Variants in TNFAIP8 observed in about 807,000 individuals in gnomAD.
TNFAIP8 encodes the protein tumor necrosis factor alpha-induced protein 8.
Under a neutral mutation model 13.3 loss-of-function variants are expected in TNFAIP8, and 7 were observed. The observed-to-expected ratio is 0.52, with a 90% CI of 0.30 to 0.99. The LOEUF (loss-of-function observed/expected upper bound fraction) is 0.99, where lower values mean the gene tolerates loss of function less well. Among genes scored for constraint, TNFAIP8 ranks in the 50% least tolerant of loss-of-function variants. TNFAIP8 has a pLI of 0.07. For synonymous variants in TNFAIP8, 94 were observed against 87.6 expected (o/e 1.07, Z -0.41); for missense variants, 258 against 236.9 (o/e 1.09, Z -0.58).
intron 1 of TNFAIP8, among the ~76,000 whole-genome samples, chr5:119,323,257 T>G (rs1286105268): frequency 1.3e-5 from 2 of 152,334 alleles, no homozygotes; most frequent in East Asian, 1.9e-4. Context: ...TTAAAATGCC[T>G]CATTAGAGTT....
intron 1 of TNFAIP8, among the ~76,000 whole-genome samples, chr5:119,271,500 C>G (rs566822819): frequency 6.6e-6 from 1 of 152,292 alleles, no homozygotes; most frequent in East Asian, 1.9e-4. Flanking sequence ...CTCACTGCCT[C>G]CATTTATGCG....
chr5:119,355,471 C>T (rs1376504508), upstream of TNFAIP8: 18 of 653,676 alleles, frequency 2.8e-5, no homozygotes, highest in Non-Finnish European at 4.8e-5. Context: ...TAAGCTGGTC[C>T]TTGCAACCCC....
At chr5:119,333,204 A>C in intron 1 of TNFAIP8, 2 of 1,000,288 alleles carry the variant, frequency 2.0e-6, no homozygotes, top group Non-Finnish European at 2.4e-6. Flanking sequence ...TTTGCTTGTC[A>C]CAGGTAATCT....
At chr5:119,276,580 C>A (rs756257785) in intron 1 of TNFAIP8, among the ~76,000 whole-genome samples, 1 of 152,126 alleles carries the variant, frequency 6.6e-6, no homozygotes, top group South Asian at 2.1e-4. Flanking sequence ...AAGATCAAGA[C>A]GTCAACAGGT....
intron 1 of TNFAIP8, among the ~76,000 whole-genome samples, chr5:119,346,272 C>T (rs1750898288): frequency 6.6e-6 from 1 of 152,096 alleles, no homozygotes; most frequent in African/African-American, 2.4e-5. Context: ...CTGGGAGGTG[C>T]TGACCATCAT....
exon 1 of TNFAIP8, chr5:119,268,783 C>T (rs1748166733): frequency 1.5e-6 from 1 of 685,982 alleles, no homozygotes; most frequent in Admixed American, 2.1e-5. Context: ...CTCCCGCCGG[C>T]TCTAACCCGC....
At position 119,290,101 on chromosome 5, in the gene TNFAIP8, G is replaced by A. The variant is rs190247801; in HGVS notation, c.1+21194G>A. 7.4e-4 allele frequency among the ~76,000 whole-genome samples: 112 copies of A among 151,696 alleles called. 1 individual carries two copies. Among genetic ancestry groups the A allele is most frequent in the African/African-American group, 2.7e-3 (111 of 41,158 alleles). ...CCCTCTAGGACTTATTAATCTAGTT[G>A]TAAGAAAAATGTTAGGACAGAAATA... On this transcript the variant is annotated intron_variant, in intron 1 of 1. Coordinates refer to the TNFAIP8 transcript ENST00000274456.
chr5:119,364,537 A>G (rs56206018), intron 1 of TNFAIP8, among the ~76,000 whole-genome samples: 25,339 of 152,040 alleles, frequency 0.17, 4,262 homozygotes, highest in African/African-American at 0.44. Context: ...TTGTAGAGAC[A>G]AGGTCTCACT....
At chr5:119,269,388 G>GCCCT (rs1347415106) in intron 1 of TNFAIP8, among the ~76,000 whole-genome samples, 2 of 152,182 alleles carry the variant, frequency 1.3e-5, no homozygotes, top group Admixed American at 6.5e-5. Flanking sequence ...AGAGACCAGA[G>GCCCT]CCCTGCTTTG....
At chr5:119,375,753 G>T (rs990737751) in intron 1 of TNFAIP8, among the ~76,000 whole-genome samples, 1 of 152,028 alleles carries the variant, frequency 6.6e-6, no homozygotes, top group Admixed American at 6.5e-5. Context: ...TAAGTTTGCC[G>T]ATTTCAATAG....
At chr5:119,335,482 C>G (rs1421889633) in intron 1 of TNFAIP8, among the ~76,000 whole-genome samples, 1 of 152,070 alleles carries the variant, frequency 6.6e-6, no homozygotes, top group Non-Finnish European at 1.5e-5. Flanking sequence ...GCATCTCGCT[C>G]TGGGCCCTTT....
intron 1 of TNFAIP8, among the ~76,000 whole-genome samples, chr5:119,385,266 C>A (rs1752626283): frequency 6.6e-6 from 1 of 152,200 alleles, no homozygotes; most frequent in African/African-American, 2.4e-5. Context: ...CCTTTTGTTT[C>A]CATCCATGCT....
At chr5:119,280,249 A>G (rs1383754964) in intron 1 of TNFAIP8, among the ~76,000 whole-genome samples, 1 of 152,028 alleles carries the variant, frequency 6.6e-6, no homozygotes, top group Non-Finnish European at 1.5e-5. Flanking sequence ...TCCTGACTTT[A>G]TAGTAATTAC....
At chr5:119,355,888 C>G, upstream of TNFAIP8, 12 of 1,203,884 alleles carry the variant, frequency 1.0e-5, no homozygotes, top group Non-Finnish European at 1.3e-5. Context: ...GCCCAGCTGA[C>G]ACGCGATTCG....
intron 1 of TNFAIP8, among the ~76,000 whole-genome samples, chr5:119,310,034 C>G (rs553177122): frequency 3.0e-4 from 45 of 152,282 alleles, no homozygotes; most frequent in African/African-American, 1.0e-3. Context: ...AGTAGGATCT[C>G]AAAAAGTGGC....
At chr5:119,271,767 G>T (rs1748299418) in intron 1 of TNFAIP8, among the ~76,000 whole-genome samples, 1 of 152,186 alleles carries the variant, frequency 6.6e-6, no homozygotes, top group Non-Finnish European at 1.5e-5. Context: ...GGAAGGAGTT[G>T]TGTGGTGCCA....
At chr5:119,294,484 CTGAA>C (rs1749101404) in intron 1 of TNFAIP8, among the ~76,000 whole-genome samples, 1 of 152,030 alleles carries the variant, frequency 6.6e-6, no homozygotes, top group Non-Finnish European at 1.5e-5. Context: ...CTTTGCTATT[CTGAA>C]TAGTGCCGCA....
In TNFAIP8 at chr5:119,358,364, C is replaced by T. The variant is rs1320447726; in HGVS notation, c.31+2243C>T. 2.0e-5 allele frequency among the ~76,000 whole-genome samples: 3 copies of T among 152,138 alleles called. No homozygotes were observed. The East Asian group carries it at 5.8e-4, about 29-fold the overall frequency. On this transcript the variant is annotated intron_variant, in intron 1 of 1. Coordinates refer to ENST00000504771, the MANE Select transcript of TNFAIP8 (RefSeq NM_014350.4). ...GCAAATGACTGGGGATATTGTTAAG[C>T]CATCAGAGCTTAAAACATACTTGAC...
At chr5:119,283,262 A>T (rs1203001621) in intron 1 of TNFAIP8, among the ~76,000 whole-genome samples, 7 of 152,196 alleles carry the variant, frequency 4.6e-5, no homozygotes, top group Non-Finnish European at 8.8e-5. Context: ...AATCACATGT[A>T]ATAATAGGAA....
Sources: gnomAD v4.1 joint callset for allele counts (sites outside exome capture counted in the v4.1 genomes callset) on GRCh38, gnomAD v4.1.1 for gene constraint, MANE v1.5 for transcripts, NCBI Gene and HGNC (gene_info 2026-07-23, HGNC 2026-07-21) for gene names.